The following SLC25A48 variants were observed in gnomAD, a reference collection of about 807,000 sequenced individuals.
SLC25A48 encodes solute carrier family 25 member 48, also known as CTC-321K16.1.
SLC25A48 carries 29 observed loss-of-function variants against 32.2 expected under a neutral mutation model. That is an observed-to-expected ratio of 0.90 (90% CI 0.67 to 1.23). The LOEUF (loss-of-function observed/expected upper bound fraction) is 1.23, where lower values mean the gene tolerates loss of function less well. Among genes scored for constraint, SLC25A48 ranks in the 50% most tolerant of loss-of-function variants. The pLI, the probability that SLC25A48 is intolerant of heterozygous loss-of-function variation, is 0.00. For synonymous variants in SLC25A48, 164 were observed against 172.3 expected, an observed-to-expected ratio of 0.95 and a Z score of 0.38; for missense variants, 399 against 422.7, an observed-to-expected ratio of 0.94 and a Z score of 0.49.
At chr5:135,623,254 A>G (rs1752366611) in intron 1 of SLC25A48, among the ~76,000 whole-genome samples, 1 of 152,210 alleles carries the variant, frequency 6.6e-6, no homozygotes, top group Non-Finnish European at 1.5e-5. Context: ...TTGCTGATAC[A>G]ATTCCCTGGC....
chr5:135,779,044 T>G, intron 3 of SLC25A48, among the ~76,000 whole-genome samples: 1 of 151,886 alleles, frequency 6.6e-6, no homozygotes, highest in Non-Finnish European at 1.5e-5. Context: ...ATGATATTAC[T>G]TCCAATATCA....
intron 1 of SLC25A48, among the ~76,000 whole-genome samples, chr5:135,608,562 C>T (rs1443618268): frequency 6.6e-6 from 1 of 152,192 alleles, no homozygotes; most frequent in Non-Finnish European, 1.5e-5. Flanking sequence ...TGTGGGGCTG[C>T]GCCTGTCTTC....
intron 3 of SLC25A48, among the ~76,000 whole-genome samples, chr5:135,715,963 G>A (rs1371992458): frequency 2.0e-5 from 3 of 152,284 alleles, no homozygotes; most frequent in Non-Finnish European, 4.4e-5. Context: ...CTTTTACTTG[G>A]AATAAGTAGG....
chr5:135,645,131 C>A (rs937478346), intron 3 of SLC25A48, among the ~76,000 whole-genome samples: 2 of 152,168 alleles, frequency 1.3e-5, no homozygotes, highest in Non-Finnish European at 2.9e-5. Flanking sequence ...CGTACGGGAG[C>A]GTTGATATAA....
chr5:135,766,324 C>T (rs1465541922), intron 3 of SLC25A48, among the ~76,000 whole-genome samples: 1 of 145,888 alleles, frequency 6.9e-6, no homozygotes, highest in Admixed American at 7.0e-5. Context: ...CGGTGGTGTA[C>T]ACCCCCCTGT....
At chr5:135,721,552 T>C (rs997650256) in intron 3 of SLC25A48, among the ~76,000 whole-genome samples, 2 of 152,126 alleles carry the variant, frequency 1.3e-5, no homozygotes, top group Non-Finnish European at 2.9e-5. Flanking sequence ...TCATTACACT[T>C]TGGGACCCAT....
intron 4 of SLC25A48, among the ~76,000 whole-genome samples, chr5:135,868,773 C>T (rs1201828655): frequency 6.6e-6 from 1 of 152,048 alleles, no homozygotes; most frequent in Non-Finnish European, 1.5e-5. Context: ...AAAGTCAGTT[C>T]AAGGTTTGAC....
chr5:135,671,427 G>T (rs1753651544), intron 3 of SLC25A48, among the ~76,000 whole-genome samples: 1 of 152,162 alleles, frequency 6.6e-6, no homozygotes, highest in Non-Finnish European at 1.5e-5. Context: ...CTCTGGTTTG[G>T]GGTACAGACC....
intron 3 of SLC25A48, among the ~76,000 whole-genome samples, chr5:135,810,400 C>T (rs10078187): frequency 0.015 from 2,270 of 152,240 alleles, 60 homozygotes; most frequent in African/African-American, 0.051. Flanking sequence ...GGTAATATGG[C>T]CCCAGCTGGC....
intron 1 of SLC25A48, among the ~76,000 whole-genome samples, chr5:135,586,871 T>C (rs1454450529): frequency 6.6e-6 from 1 of 152,094 alleles, no homozygotes; most frequent in Non-Finnish European, 1.5e-5. Context: ...AAGAAGCCAT[T>C]GGAGAATTTC....
chr5:135,724,000 AAAT>A (rs538044047), intron 3 of SLC25A48, among the ~76,000 whole-genome samples: 344 of 152,306 alleles, frequency 2.3e-3, no homozygotes, highest in South Asian at 0.011. Context: ...CTACTTATTT[AAAT>A]AAGTGTCTTT....
intron 3 of SLC25A48, among the ~76,000 whole-genome samples, chr5:135,800,110 G>A (rs761692523): frequency 1.3e-5 from 2 of 151,656 alleles, no homozygotes; most frequent in Non-Finnish European, 2.9e-5. Context: ...GTGGAAAAAC[G>A]ATTATATTAC....
chr5:135,765,277 T>G (rs575061056), intron 3 of SLC25A48, among the ~76,000 whole-genome samples: 1 of 151,660 alleles, frequency 6.6e-6, no homozygotes, highest in African/African-American at 2.4e-5. Flanking sequence ...TGTGATATGA[T>G]TTGTGATATT....
rs189331681 is a variant in SLC25A48, at chr5:135,842,462, A to G, written c.90+3A>G. On this transcript the variant is annotated splice_donor_region_variant and intron_variant, in intron 2 of 7. Coordinates refer to ENST00000681962, the MANE Select transcript of SLC25A48 (RefSeq NM_001349336.2). ...GCCACCCTCTGGACACAGTCAAGGT[A>G]CAGTAGCCATGTTTCCCATTACCTC... 2 of 1,613,530 alleles carry G rather than the reference A, an allele frequency of 1.2e-6. No homozygotes were observed. The highest frequency in any genetic ancestry group is 2.2e-5 in the East Asian group (1 of 44,878).
intron 3 of SLC25A48, among the ~76,000 whole-genome samples, chr5:135,727,884 A>G (rs1195714238): frequency 1.3e-5 from 2 of 152,170 alleles, no homozygotes; most frequent in Non-Finnish European, 2.9e-5. Flanking sequence ...TGCCGTTCCA[A>G]ATTTTAGAAT....
chr5:135,695,608 C>T (rs1277578838), intron 3 of SLC25A48, among the ~76,000 whole-genome samples: 1 of 152,204 alleles, frequency 6.6e-6, no homozygotes, highest in Non-Finnish European at 1.5e-5. Context: ...TGCACTGCCT[C>T]CCACCCACAG....
intron 3 of SLC25A48, among the ~76,000 whole-genome samples, chr5:135,643,304 C>T (rs1167846478): frequency 6.6e-6 from 1 of 152,188 alleles, no homozygotes; most frequent in Non-Finnish European, 1.5e-5. Flanking sequence ...CAGCCCTTCT[C>T]AGTCTGGGGC....
intron 3 of SLC25A48, among the ~76,000 whole-genome samples, chr5:135,751,462 C>G (rs1367231949): frequency 2.6e-5 from 4 of 152,160 alleles, no homozygotes; most frequent in Non-Finnish European, 5.9e-5. Context: ...ACAGAGGACA[C>G]AAGCCAGGGG....
At chr5:135,645,215 G>A (rs956775343) in intron 3 of SLC25A48, among the ~76,000 whole-genome samples, 3 of 152,204 alleles carry the variant, frequency 2.0e-5, no homozygotes, top group Non-Finnish European at 4.4e-5. Flanking sequence ...TGAGTGTACA[G>A]ATGTGGAGCC....
Sources: gnomAD v4.1 joint callset for allele counts (sites outside exome capture counted in the v4.1 genomes callset) on GRCh38, gnomAD v4.1.1 for gene constraint, MANE v1.5 for transcripts, NCBI Gene and HGNC (gene_info 2026-07-23, HGNC 2026-07-21) for gene names.